The following CSMD3 variants were observed in gnomAD, a reference collection of about 807,000 sequenced individuals.
CSMD3 encodes CUB and Sushi multiple domains 3.
CSMD3 carries 177 observed loss-of-function variants against 435.2 expected under a neutral mutation model. That is an observed-to-expected ratio of 0.41 (90% CI 0.36 to 0.46). The LOEUF (loss-of-function observed/expected upper bound fraction) is 0.46, where lower values mean the gene tolerates loss of function less well. CSMD3 is among the 20% of genes least tolerant of loss of function. The pLI is 0.34. For synonymous variants in CSMD3, 1,656 were observed against 1,520.5 expected, an observed-to-expected ratio of 1.09 and a Z score of -2.07; for missense variants, 4,265 against 4,504.6, an observed-to-expected ratio of 0.95 and a Z score of 1.52.
intron 25 of CSMD3, among the ~76,000 whole-genome samples, 198 bp from the exon 26 acceptor site, chr8:112,552,918 A>C (rs1470075323): frequency 6.6e-6 from 1 of 152,132 alleles, no homozygotes; most frequent in Admixed American, 6.6e-5. Flanking sequence ...GTTAGAGCAC[A>C]AAAAAGACAA....
At chr8:112,331,956 T>A (rs938501847) in intron 45 of CSMD3, among the ~76,000 whole-genome samples, 6 of 152,080 alleles carry the variant, frequency 3.9e-5, no homozygotes, top group African/African-American at 1.4e-4. Context: ...AACAGGCATA[T>A]CTTCTTGTTC....
chr8:113,408,986 T>A (rs1054319221), intron 1 of CSMD3, among the ~76,000 whole-genome samples: 1 of 151,914 alleles, frequency 6.6e-6, no homozygotes, highest in Non-Finnish European at 1.5e-5. Flanking sequence ...AAAATTTTTA[T>A]AATAAAATTT....
At chr8:113,177,212 G>A (rs1332141602) in intron 3 of CSMD3, among the ~76,000 whole-genome samples, 1 of 150,684 alleles carries the variant, frequency 6.6e-6, no homozygotes, top group African/African-American at 2.4e-5. Context: ...TAAAAGCAGA[G>A]TTGCAAAATA....
Position 112,224,566 on chromosome 8 carries a change from C to A in CSMD3, c.*205G>T. On this transcript the variant is annotated 3_prime_UTR_variant, in exon 71 of 71. Coordinates refer to ENST00000297405, the MANE Select transcript of CSMD3 (RefSeq NM_198123.2). ...ACTGTGAGTAAGCACTCTCAGAGTG[C>A]AGCCAAATTTCTGTAAAACTCTCCA... The A allele has an allele frequency of 1.6e-6, 1 of 610,374 alleles. No individual in the cohort carries two copies. The highest frequency in any genetic ancestry group is 1.9e-5 in the South Asian group (1 of 52,104). The allele number at this position is 610,374 out of a possible 1,614,324, so 37.8% of individuals were successfully genotyped here. A position where few individuals can be genotyped will look rare whatever the true frequency, so the allele number is the denominator to read the frequency against.
chr8:112,745,141 T>G (rs2132073225), intron 13 of CSMD3, among the ~76,000 whole-genome samples: 1 of 152,164 alleles, frequency 6.6e-6, no homozygotes, highest in African/African-American at 2.4e-5. Flanking sequence ...GATAGTACCC[T>G]TAGGAAGTGA....
chr8:112,651,083 C>T (rs887379751), intron 18 of CSMD3, among the ~76,000 whole-genome samples: 1 of 152,122 alleles, frequency 6.6e-6, no homozygotes. Context: ...ATGACAATAA[C>T]AAATATCTCC....
intron 35 of CSMD3, 32 bp downstream of exon 35, chr8:112,406,492 T>G: frequency 6.9e-7 from 1 of 1,452,140 alleles, no homozygotes; most frequent in Non-Finnish European, 9.6e-7. Context: ...AAACTATGTA[T>G]AATCACAGAT....
At chr8:112,532,557 G>A (rs1422746477) in intron 27 of CSMD3, among the ~76,000 whole-genome samples, 1 of 152,024 alleles carries the variant, frequency 6.6e-6, no homozygotes, top group Non-Finnish European at 1.5e-5. Flanking sequence ...AATATTCAAA[G>A]TGCTAAAGGC....
At chr8:113,340,312 C>T (rs984339569) in intron 1 of CSMD3, among the ~76,000 whole-genome samples, 1 of 152,066 alleles carries the variant, frequency 6.6e-6, no homozygotes, top group Non-Finnish European at 1.5e-5. Context: ...AACTCCACAT[C>T]ATCAGTTGAT....
intron 1 of CSMD3, chr8:113,377,026 G>A: frequency 7.6e-7 from 1 of 1,307,654 alleles, no homozygotes. Context: ...AGTGGGGTGG[G>A]GTGGGGGTGG....
intron 13 of CSMD3, among the ~76,000 whole-genome samples, chr8:112,776,142 G>C (rs549259182): frequency 2.0e-5 from 3 of 151,698 alleles, no homozygotes; most frequent in African/African-American, 7.2e-5. Context: ...TTTTCCTATT[G>C]ACTCCTTATT....
intron 7 of CSMD3, among the ~76,000 whole-genome samples, chr8:112,969,272 CAA>C (rs2084548453): frequency 6.6e-6 from 1 of 151,948 alleles, no homozygotes; most frequent in African/African-American, 2.4e-5. Flanking sequence ...ATTATGGTAA[CAA>C]TAAAAAATTC....
chr8:112,448,080 A>C (rs1040181248), intron 32 of CSMD3, among the ~76,000 whole-genome samples: 1 of 152,120 alleles, frequency 6.6e-6, no homozygotes, highest in Non-Finnish European at 1.5e-5. Context: ...TTCAAACAGC[A>C]CCAATCTTTC....
At chr8:112,790,205 C>G (rs1207278374) in intron 13 of CSMD3, among the ~76,000 whole-genome samples, 3 of 151,906 alleles carry the variant, frequency 2.0e-5, no homozygotes, top group Non-Finnish European at 4.4e-5. Context: ...TGCCAGATAT[C>G]ATTTCATTTC....
chr8:112,532,646 A>G (rs1048538297), intron 27 of CSMD3, among the ~76,000 whole-genome samples: 5 of 152,152 alleles, frequency 3.3e-5, no homozygotes, highest in African/African-American at 4.8e-5. Context: ...ACTTTCACAA[A>G]CAAAGTTAAG....
chr8:112,233,463 A>G (rs559525295), intron 68 of CSMD3, among the ~76,000 whole-genome samples: 1 of 152,282 alleles, frequency 6.6e-6, no homozygotes, highest in East Asian at 1.9e-4. Flanking sequence ...AAACAATCTG[A>G]GTGCATTGAA....
chr8:112,488,762 G>C (rs1268519202), intron 31 of CSMD3, among the ~76,000 whole-genome samples: 1 of 152,172 alleles, frequency 6.6e-6, no homozygotes, highest in Non-Finnish European at 1.5e-5. Context: ...ACATTGAAGA[G>C]AGGGATTGTG....
At chr8:113,342,753 T>C (rs2094128396) in intron 1 of CSMD3, among the ~76,000 whole-genome samples, 1 of 152,128 alleles carries the variant, frequency 6.6e-6, no homozygotes, top group African/African-American at 2.4e-5. Context: ...ATGTATGACA[T>C]AAAAACTACT....
At chr8:113,041,093 G>A (rs1587948346) in intron 5 of CSMD3, among the ~76,000 whole-genome samples, 1 of 151,506 alleles carries the variant, frequency 6.6e-6, no homozygotes, top group Admixed American at 6.6e-5. Context: ...GTAATCCCAG[G>A]TACTTGGGAG....
Sources: gnomAD v4.1 joint callset for allele counts (sites outside exome capture counted in the v4.1 genomes callset) on GRCh38, gnomAD v4.1.1 for gene constraint, MANE v1.5 for transcripts, NCBI Gene and HGNC (gene_info 2026-07-23, HGNC 2026-07-21) for gene names.